The following SMARCC1 variants were observed in gnomAD, a reference collection of about 807,000 sequenced individuals.
SMARCC1 encodes SWI/SNF complex subunit SMARCC1.
SMARCC1 carries 43 observed loss-of-function variants against 147.4 expected under a neutral mutation model. The ratio of observed to expected loss-of-function variants is 0.29; its 90% CI spans 0.23 to 0.38. The LOEUF is 0.38. Among genes scored for constraint, SMARCC1 ranks in the 10% least tolerant of loss-of-function variants. The pLI is 1.00. For synonymous variants in SMARCC1, 495 were observed against 484.4 expected (o/e 1.02, Z -0.29); for missense variants, 1,119 against 1,381.1 (o/e 0.81, Z 3.01).
intron 16 of SMARCC1, 45 bp from the exon 17 acceptor site, chr3:47,676,827 C>G (rs750479228): frequency 6.4e-7 from 1 of 1,554,428 alleles, no homozygotes; most frequent in South Asian, 1.1e-5. Flanking sequence ...GAATCAACTT[C>G]ATGTGCTTTT....
intron 24 of SMARCC1, among the ~76,000 whole-genome samples, chr3:47,625,962 A>T (rs1205653312): frequency 6.6e-6 from 1 of 152,076 alleles, no homozygotes; most frequent in Non-Finnish European, 1.5e-5. Flanking sequence ...GTTTGAGACC[A>T]GGGCAACATA....
intron 26 of SMARCC1, among the ~76,000 whole-genome samples, chr3:47,598,101 T>C (rs2032320375): frequency 6.6e-6 from 1 of 152,170 alleles, no homozygotes; most frequent in Non-Finnish European, 1.5e-5. Flanking sequence ...AGCTCCCTTT[T>C]GGAAGCCCTT....
chr3:47,604,028 G>C, intron 26 of SMARCC1: 1 of 456,828 alleles, frequency 2.2e-6, no homozygotes, highest in Non-Finnish European at 4.4e-6. Flanking sequence ...AGCATTTGAT[G>C]AATCAAAGGT....
intron 2 of SMARCC1, among the ~76,000 whole-genome samples, chr3:47,750,583 T>C (rs550830766): frequency 6.6e-6 from 1 of 152,216 alleles, no homozygotes; most frequent in Non-Finnish European, 1.5e-5. Flanking sequence ...GTAATCACTA[T>C]TGCACTTCAG....
intron 21 of SMARCC1, among the ~76,000 whole-genome samples, chr3:47,640,718 A>G (rs2106709051): frequency 6.6e-6 from 1 of 152,290 alleles, no homozygotes; most frequent in African/African-American, 2.4e-5. Context: ...GAATTCCCCT[A>G]CCTCAGTCTA....
At chr3:47,738,389 T>C (rs2034470202) in intron 3 of SMARCC1, among the ~76,000 whole-genome samples, 1 of 152,144 alleles carries the variant, frequency 6.6e-6, no homozygotes, top group African/African-American at 2.4e-5. Flanking sequence ...TATAGAAAAG[T>C]AGTCCACATA....
chr3:47,640,116 T>C (rs2033029315), intron 21 of SMARCC1, among the ~76,000 whole-genome samples: 1 of 152,040 alleles, frequency 6.6e-6, no homozygotes. Flanking sequence ...GAAGTAAAAG[T>C]AGTAATTACA....
chr3:47,629,008 G>A (rs1274478944), intron 24 of SMARCC1, among the ~76,000 whole-genome samples: 1 of 152,156 alleles, frequency 6.6e-6, no homozygotes, highest in Non-Finnish European at 1.5e-5. Context: ...AGACTCAGAA[G>A]AAAAAACTGA....
At chr3:47,686,217 G>A in intron 13 of SMARCC1, 47 bp from the exon 14 acceptor site, 1 of 1,486,854 alleles carries the variant, frequency 6.7e-7, no homozygotes, top group Non-Finnish European at 9.3e-7. Flanking sequence ...ACTACAGAGA[G>A]AGATATATAT....
At chr3:47,660,373 G>T (rs1682183606) in intron 21 of SMARCC1, among the ~76,000 whole-genome samples, 1 of 148,930 alleles carries the variant, frequency 6.7e-6, no homozygotes, top group South Asian at 2.1e-4. Flanking sequence ...GTGAACCAGG[G>T]AGGCAGAGCT....
intron 9 of SMARCC1, among the ~76,000 whole-genome samples, chr3:47,708,083 C>CTTTTTTCTTTTTTTTTTT (rs2034032931): frequency 6.2e-5 from 4 of 64,270 alleles, no homozygotes; most frequent in African/African-American, 2.7e-4. Flanking sequence ...AATTTTTTTT[C>CTTTTTTCTTTTTTTTTTT]TTTTTTTTTT....
intron 24 of SMARCC1, among the ~76,000 whole-genome samples, chr3:47,634,306 G>A (rs2032939661): frequency 1.3e-5 from 2 of 152,128 alleles, no homozygotes; most frequent in Admixed American, 1.3e-4. Context: ...AACCTCCATT[G>A]TCTCTATCTA....
At chr3:47,766,831 A>G (rs1240791275) in intron 2 of SMARCC1, among the ~76,000 whole-genome samples, 2 of 152,104 alleles carry the variant, frequency 1.3e-5, no homozygotes, top group African/African-American at 4.8e-5. Flanking sequence ...ATCTCTCAGC[A>G]TTTGATAGAA....
intron 1 of SMARCC1, among the ~76,000 whole-genome samples, chr3:47,778,202 AC>A (rs68131869): frequency 0.057 from 7,684 of 133,802 alleles, 1,210 homozygotes; most frequent in African/African-American, 0.22. Context: ...AAAAAAAAAA[AC>A]AAAAAACAAA....
chr3:47,735,866 C>A (rs2034436171), intron 5 of SMARCC1, among the ~76,000 whole-genome samples, 168 bp downstream of exon 5: 1 of 149,174 alleles, frequency 6.7e-6, no homozygotes, highest in South Asian at 2.1e-4. Context: ...AAAGTGACAC[C>A]TCATCTCTAA....
chr3:47,737,822 AT>A (rs71070219), intron 4 of SMARCC1, among the ~76,000 whole-genome samples: 1,488 of 133,598 alleles, frequency 0.011, 12 homozygotes, highest in South Asian at 0.035. Context: ...CGTGCGGCTA[AT>A]TTTTTTTTTT....
chr3:47,720,734 T>C lies in SMARCC1; in HGVS notation c.648A>G (p.Glu216=). 6.2e-7 allele frequency: 1 copy of C among 1,605,996 alleles called. No homozygotes were observed. The highest frequency in any genetic ancestry group is 8.5e-7 in the Non-Finnish European group (1 of 1,175,140). Residue 216 remains glutamate (E), a splice_region_variant and synonymous_variant, in exon 7 of 28, where the codon GAA becomes GAG. Coordinates refer to ENST00000254480, the MANE Select transcript of SMARCC1 (RefSeq NM_003074.4). ...IYPYSSSQDD[E]EWLRPVMRKE... ...TTCTCATCACCGGTCTCAACCATTC[T>C]TCTGGAAGAGAAAAAGAAACAACTT...
chr3:47,619,280 C>G (rs73831518), intron 25 of SMARCC1, among the ~76,000 whole-genome samples: 2,459 of 152,298 alleles, frequency 0.016, 60 homozygotes, highest in African/African-American at 0.047. Flanking sequence ...TTTCCACTTT[C>G]CCAACTACGG....
At chr3:47,661,534 C>A (rs1041324980) in intron 20 of SMARCC1, 79 bp from the exon 21 acceptor site, 1 of 1,141,766 alleles carries the variant, frequency 8.8e-7, no homozygotes, top group Admixed American at 2.0e-5. Flanking sequence ...CACCAGGAAA[C>A]CCAACACAGT....
Sources: allele counts gnomAD v4.1 joint callset (sites outside exome capture counted in the v4.1 genomes callset), GRCh38; gene constraint gnomAD v4.1.1; transcripts MANE v1.5; gene names NCBI Gene and HGNC (gene_info 2026-07-23, HGNC 2026-07-21).